HMGN3: variants seen among roughly 807,000 people sequenced by gnomAD.
HMGN3 encodes high mobility group nucleosomal binding domain 3.
A neutral mutation model predicts 18.8 loss-of-function variants in HMGN3; 6 were observed. The observed-to-expected ratio is 0.32, with a 90% CI of 0.18 to 0.63. The LOEUF is 0.63. Ranked by LOEUF, HMGN3 falls within the 30% of genes least tolerant of loss-of-function variation. HMGN3 has a pLI of 0.79. For synonymous variants in HMGN3, 40 were observed against 36.5 expected (o/e 1.10, Z -0.35); for missense variants, 107 against 114.2 (o/e 0.94, Z 0.29).
intron 1 of HMGN3, among the ~76,000 whole-genome samples, chr6:79,216,878 G>A (rs1421409847): frequency 6.6e-6 from 1 of 152,096 alleles, no homozygotes; most frequent in Non-Finnish European, 1.5e-5. Context: ...GACCTGTCAG[G>A]TCACTCAGTA....
intron 2 of HMGN3, among the ~76,000 whole-genome samples, chr6:79,211,679 G>A (rs1307240569): frequency 1.3e-5 from 2 of 152,094 alleles, no homozygotes; most frequent in Non-Finnish European, 2.9e-5. Flanking sequence ...CGACAAATGT[G>A]AGGGTTTGCC....
chr6:79,229,890 T>C (rs762906293), intron 1 of HMGN3, among the ~76,000 whole-genome samples: 1 of 151,448 alleles, frequency 6.6e-6, no homozygotes, highest in Non-Finnish European at 1.5e-5. Context: ...AAAAAAAAAA[T>C]GATAAACATA....
intron 3 of HMGN3, among the ~76,000 whole-genome samples, chr6:79,204,843 C>T (rs1381402507): frequency 6.6e-6 from 1 of 152,196 alleles, no homozygotes; most frequent in Non-Finnish European, 1.5e-5. Context: ...CCTAAATCTG[C>T]AGGCCAAATA....
chr6:79,234,203 G>T, intron 1 of HMGN3: 1 of 239,702 alleles, frequency 4.2e-6, no homozygotes, highest in Non-Finnish European at 8.0e-6. Context: ...ACACTAATTC[G>T]CAACCTGGCA....
chr6:79,203,726 T>C, intron 3 of HMGN3, 96 bp from the exon 4 acceptor site: 1 of 920,670 alleles, frequency 1.1e-6, no homozygotes, highest in Non-Finnish European at 1.7e-6. Context: ...CAACTATCCA[T>C]TTTGACATGG....
intron 4 of HMGN3, among the ~76,000 whole-genome samples, chr6:79,202,946 C>A (rs1188430595): frequency 6.6e-6 from 1 of 152,184 alleles, no homozygotes; most frequent in East Asian, 1.9e-4. Context: ...CCACTATACA[C>A]ATAAGTTTTA....
Position 79,208,331 on chromosome 6 carries a change from C to T in HMGN3, c.96+216G>A, listed in dbSNP as rs576015849. On this transcript the variant is annotated intron_variant, in intron 3 of 5. Coordinates refer to ENST00000344726, the Ensembl canonical transcript of HMGN3. ...AAACAACATCCTGCTTTATATTCTTCGTTATGGGGCTGGCCACTGTTTTTC... is the reference window on the plus strand; with the variant it reads ...AAACAACATCCTGCTTTATATTCTTTGTTATGGGGCTGGCCACTGTTTTTC... Among the ~76,000 whole-genome samples the T allele has an allele frequency of 4.6e-5, 7 of 152,288 alleles. No homozygotes were observed. The South Asian group carries it at 8.3e-4, about 18-fold the overall frequency.
chr6:79,214,715 A>C (rs1179947628), intron 2 of HMGN3, among the ~76,000 whole-genome samples: 6 of 152,228 alleles, frequency 3.9e-5, no homozygotes. Flanking sequence ...AACAGAAAGC[A>C]GGGCTGACAG....
intron 1 of HMGN3, among the ~76,000 whole-genome samples, chr6:79,218,054 T>C (rs894392268): frequency 3.9e-5 from 6 of 152,226 alleles, no homozygotes; most frequent in African/African-American, 1.2e-4. Flanking sequence ...AAAGGTCTCA[T>C]GCACGTATCC....
chr6:79,217,291 T>C (rs978600229), intron 1 of HMGN3, among the ~76,000 whole-genome samples: 1 of 152,214 alleles, frequency 6.6e-6, no homozygotes, highest in Non-Finnish European at 1.5e-5. Flanking sequence ...ATCAGTGTGA[T>C]ACAATGGTAT....
chr6:79,222,118 G>A (rs549949110), intron 1 of HMGN3, among the ~76,000 whole-genome samples: 1 of 152,184 alleles, frequency 6.6e-6, no homozygotes, highest in East Asian at 1.9e-4. Context: ...CAACTCCTAG[G>A]TTATCCATGC....
rs150700031 is a variant in HMGN3 at position 79,223,523 on chromosome 6, A to C, written c.16-8501T>G. ...GAGACTCTATCTCAACAAACAAACA[A>C]ACACACACACAAACAAACACCCACA... On this transcript the variant is annotated intron_variant, in intron 1 of 5. Transcript: ENST00000344726. 2.3e-3 allele frequency among the ~76,000 whole-genome samples: 353 copies of C among 151,832 alleles called. 2 individuals are homozygous for C. Among genetic ancestry groups the C allele is most frequent in the African/African-American group, 6.9e-3 (287 of 41,390 alleles).
exon 1 of HMGN3, chr6:79,234,660 G>A (rs958909335): frequency 2.5e-6 from 3 of 1,199,726 alleles, no homozygotes; most frequent in African/African-American, 3.0e-5. Context: ...CACGCGCAGG[G>A]CACGACGTAG....
At chr6:79,203,275 G>A (rs1776239613) in intron 4 of HMGN3, among the ~76,000 whole-genome samples, 1 of 152,112 alleles carries the variant, frequency 6.6e-6, no homozygotes, top group African/African-American at 2.4e-5. Context: ...GTGCTGCCAG[G>A]GCCCAAACTC....
intron 1 of HMGN3, 102 bp downstream of exon 1, chr6:79,234,444 C>T (rs1425622130): frequency 8.9e-6 from 10 of 1,120,276 alleles, no homozygotes; most frequent in East Asian, 7.1e-5. Context: ...TTCCCAATCC[C>T]CGGGTTACTA....
At chr6:79,229,809 C>T (rs967626408) in intron 1 of HMGN3, among the ~76,000 whole-genome samples, 2 of 151,936 alleles carry the variant, frequency 1.3e-5, no homozygotes, top group African/African-American at 2.4e-5. Context: ...ACCCGGGAGG[C>T]GGAGCTTGCA....
At chr6:79,226,653 G>T (rs13217706) in intron 1 of HMGN3, among the ~76,000 whole-genome samples, 10,124 of 152,178 alleles carry the variant, frequency 0.067, 361 homozygotes, top group South Asian at 0.1. Context: ...GCTCGATTTT[G>T]ATATTAATTC....
chr6:79,210,594 G>C (rs55694370), intron 2 of HMGN3, among the ~76,000 whole-genome samples: 1 of 152,044 alleles, frequency 6.6e-6, no homozygotes, highest in African/African-American at 2.4e-5. Context: ...GAACAGAAGG[G>C]GTAAGCACCA....
intron 1 of HMGN3, among the ~76,000 whole-genome samples, chr6:79,233,417 G>T (rs1256987205): frequency 6.6e-6 from 1 of 152,164 alleles, no homozygotes; most frequent in East Asian, 1.9e-4. Flanking sequence ...TTAAAATAAT[G>T]CAGTCACTCT....
Sources: gnomAD v4.1 joint callset for allele counts (sites outside exome capture counted in the v4.1 genomes callset) on GRCh38, gnomAD v4.1.1 for gene constraint, MANE v1.5 for transcripts, NCBI Gene and HGNC (gene_info 2026-07-23, HGNC 2026-07-21) for gene names.